The following SLC7A2 variants were observed in gnomAD, a reference collection of about 807,000 sequenced individuals.
The protein encoded by SLC7A2 is solute carrier family 7 member 2.
Under a neutral mutation model 58.9 loss-of-function variants are expected in SLC7A2, and 48 were observed. The observed-to-expected ratio is 0.82, with a 90% CI of 0.65 to 1.04. The LOEUF (loss-of-function observed/expected upper bound fraction) is 1.04, where lower values mean the gene tolerates loss of function less well. Ranked by LOEUF, SLC7A2 falls within the 50% of genes least tolerant of loss-of-function variation. The pLI is 0.00. For missense variants in SLC7A2, 1,029 were observed against 818.8 expected (o/e 1.26, Z -3.13); for synonymous variants, 363 against 314.5 (o/e 1.15, Z -1.63).
In SLC7A2 at chr8:17,563,679, C is replaced by G. The variant is rs140440674; in HGVS notation, c.1748C>G (p.Thr583Ser). ...TTGATGGTCCAGTTAAGTGCAGACACTTGGGTCAGATTCAGCATTTGGATG... is the reference window on the plus strand; with the variant it reads ...TTGATGGTCCAGTTAAGTGCAGACAGTTGGGTCAGATTCAGCATTTGGATG... ...IYLMVQLSAD[T>S]WVRFSIWMAI... is the part of the protein sequence containing the mutation. Residue 583 changes from threonine to serine, a missense_variant, in exon 12 of 13, where the codon ACT (threonine) becomes AGT (serine). Coordinates refer to ENST00000494857, the MANE Select transcript of SLC7A2 (RefSeq NM_001370338.1). 3.0e-3 allele frequency: 4,805 copies of G among 1,612,084 alleles called. 10 individuals carry two copies. The highest frequency in any genetic ancestry group is 3.6e-3 in the Non-Finnish European group (4,213 of 1,178,380).
intron 2 of SLC7A2, chr8:17,538,807 A>G (rs756726259): frequency 5.6e-6 from 9 of 1,613,624 alleles, no homozygotes; most frequent in Admixed American, 1.7e-5. Flanking sequence ...ATGTCTCACC[A>G]CGAAACTAGC....
chr8:17,539,513 T>C (rs929478250), intron 2 of SLC7A2, among the ~76,000 whole-genome samples: 2 of 152,156 alleles, frequency 1.3e-5, no homozygotes, highest in Non-Finnish European at 2.9e-5. Flanking sequence ...TCTCAGCAAT[T>C]AATAAAATAA....
intron 2 of SLC7A2, among the ~76,000 whole-genome samples, chr8:17,542,855 C>G (rs146305084): frequency 6.7e-6 from 1 of 150,224 alleles, no homozygotes; most frequent in East Asian, 2.0e-4. Flanking sequence ...TGAGCTACTC[C>G]GGAGGCTGAG....
intron 1 of SLC7A2, among the ~76,000 whole-genome samples, chr8:17,501,766 C>T (rs540435580): frequency 6.6e-6 from 1 of 151,876 alleles, no homozygotes; most frequent in South Asian, 2.1e-4. Context: ...ACCCACACAC[C>T]CATTCTGGCA....
In SLC7A2 at chr8:17,530,778, G is replaced by A. The variant is rs1801418508; in HGVS notation, c.-22-12540G>A. ...AGTAGAGACGGGTTTCGCCATGTTGGTCAGGCTGGTCTCAAACTCCTGACC... is the reference window on the plus strand; with the variant it reads ...AGTAGAGACGGGTTTCGCCATGTTGATCAGGCTGGTCTCAAACTCCTGACC... On this transcript the variant is annotated intron_variant, in intron 2 of 12. Coordinates refer to ENST00000494857, the MANE Select transcript of SLC7A2 (RefSeq NM_001370338.1). Among the ~76,000 whole-genome samples, 6 of 151,926 alleles carry A rather than the reference G, an allele frequency of 3.9e-5. No homozygotes were observed. In the South Asian group the frequency reaches 1.0e-3, roughly 26 times the overall value.
At chr8:17,499,460 C>A (rs1292372719) in intron 1 of SLC7A2, among the ~76,000 whole-genome samples, 2 of 150,880 alleles carry the variant, frequency 1.3e-5, no homozygotes, top group Non-Finnish European at 2.9e-5. Context: ...GCTGGTTTTA[C>A]TTTGGTGCCC....
intron 1 of SLC7A2, chr8:17,500,538 G>A (rs576817160): frequency 6.6e-6 from 1 of 152,308 alleles, no homozygotes; most frequent in South Asian, 2.1e-4. Flanking sequence ...GTTAATAGGT[G>A]CAGCAAACCA....
intron 2 of SLC7A2, among the ~76,000 whole-genome samples, chr8:17,520,238 C>G (rs1800960486): frequency 6.6e-6 from 1 of 152,060 alleles, no homozygotes; most frequent in Non-Finnish European, 1.5e-5. Context: ...TATGTTCCAA[C>G]TATATTTTAA....
At chr8:17,539,088 G>A (rs1801799419) in intron 2 of SLC7A2, among the ~76,000 whole-genome samples, 1 of 152,188 alleles carries the variant, frequency 6.6e-6, no homozygotes, top group South Asian at 2.1e-4. Context: ...ACTATGATTA[G>A]CAGATTTGGA....
intron 2 of SLC7A2, among the ~76,000 whole-genome samples, chr8:17,516,596 T>A (rs1800813501): frequency 1.3e-5 from 2 of 152,186 alleles, no homozygotes; most frequent in African/African-American, 4.8e-5. Context: ...GGGTGGTAAC[T>A]CGTAGAGATT....
chr8:17,526,460 C>T (rs1451645406), intron 2 of SLC7A2, among the ~76,000 whole-genome samples: 1 of 151,976 alleles, frequency 6.6e-6, no homozygotes, highest in East Asian at 1.9e-4. Flanking sequence ...TGGAAAAGGA[C>T]CTGAAGCCCG....
intron 2 of SLC7A2, among the ~76,000 whole-genome samples, chr8:17,509,943 G>A (rs1025926851): frequency 2.0e-5 from 3 of 152,062 alleles, no homozygotes; most frequent in African/African-American, 7.2e-5. Context: ...ATTGAAGCCC[G>A]GTACAGTGGC....
chr8:17,554,449 C>T (rs1802591800), intron 7 of SLC7A2, 111 bp from the exon 8 acceptor site: 1 of 829,142 alleles, frequency 1.2e-6, no homozygotes, highest in Non-Finnish European at 1.7e-6. Context: ...AATAATATGA[C>T]TTCATAATTA....
At chr8:17,520,414 G>A (rs1800967205) in intron 2 of SLC7A2, among the ~76,000 whole-genome samples, 1 of 151,912 alleles carries the variant, frequency 6.6e-6, no homozygotes, top group Admixed American at 6.6e-5. Context: ...GCCGAGGTGG[G>A]CGGATCACCC....
At chr8:17,501,767 C>A (rs1385646948) in intron 1 of SLC7A2, among the ~76,000 whole-genome samples, 4 of 151,936 alleles carry the variant, frequency 2.6e-5, no homozygotes, top group African/African-American at 9.7e-5. Flanking sequence ...CCCACACACC[C>A]ATTCTGGCAC....
At chr8:17,530,738 A>T (rs1801416932) in intron 2 of SLC7A2, among the ~76,000 whole-genome samples, 1 of 151,850 alleles carries the variant, frequency 6.6e-6, no homozygotes, top group Admixed American at 6.6e-5. Context: ...ATGCCTGGCT[A>T]ATTTTTGTAC....
In SLC7A2 at chr8:17,543,315, C is replaced by T. The variant is rs570097859; in HGVS notation, c.-22-3C>T. 27 of 1,595,506 alleles carry T rather than the reference C, an allele frequency of 1.7e-5. No homozygotes were observed. The East Asian group carries it at 5.4e-4, about 32-fold the overall frequency. The stretch of plus-strand genomic sequence containing the variant: ...AGCTTCTAACCTCCTCCCTTCTGCT[C>T]AGGTCGCCTTCGTCAGACGTCAGAA... On this transcript the variant is annotated splice_polypyrimidine_tract_variant and splice_region_variant and intron_variant, in intron 2 of 12. Coordinates refer to ENST00000494857, the MANE Select transcript of SLC7A2 (RefSeq NM_001370338.1).
intron 2 of SLC7A2, among the ~76,000 whole-genome samples, chr8:17,530,637 A>G (rs1012705570): frequency 6.6e-6 from 1 of 150,950 alleles, no homozygotes; most frequent in Admixed American, 6.6e-5. Context: ...CGGTGGTGCA[A>G]TCTCGACTCA....
intron 10 of SLC7A2, among the ~76,000 whole-genome samples, chr8:17,561,290 A>G (rs1011649583): frequency 4.6e-5 from 7 of 152,160 alleles, no homozygotes; most frequent in African/African-American, 1.7e-4. Flanking sequence ...CCACGTGGTT[A>G]GGGAGGCCTC....
Sources: allele counts gnomAD v4.1 joint callset (sites outside exome capture counted in the v4.1 genomes callset), GRCh38; gene constraint gnomAD v4.1.1; transcripts MANE v1.5; gene names NCBI Gene and HGNC (gene_info 2026-07-23, HGNC 2026-07-21).